SPEF2: variants seen among roughly 807,000 people sequenced by gnomAD.
SPEF2 encodes the protein sperm flagellar and cilia associated 2, also known as sperm flagella and cilia-associated protein 2.
In SPEF2, 187 loss-of-function variants were observed where a neutral mutation model predicts 224.6. The ratio of observed to expected loss-of-function variants is 0.83; its 90% CI spans 0.74 to 0.94. The LOEUF is 0.94. SPEF2 is among the 40% of genes least tolerant of loss of function. The pLI, the probability that SPEF2 is intolerant of heterozygous loss-of-function variation, is 0.00. For missense variants in SPEF2, 2,170 were observed against 2,135.6 expected, an observed-to-expected ratio of 1.02 and a Z score of -0.32; for synonymous variants, 715 against 707.3, an observed-to-expected ratio of 1.01 and a Z score of -0.17.
chr5:35,765,808 G>A (rs1752016493), intron 26 of SPEF2, among the ~76,000 whole-genome samples: 3 of 152,078 alleles, frequency 2.0e-5, no homozygotes, highest in Admixed American at 6.6e-5. Flanking sequence ...ATCAGATTAT[G>A]AGCATTCCTT....
intron 6 of SPEF2, among the ~76,000 whole-genome samples, chr5:35,650,275 C>T (rs2149426053): frequency 6.6e-6 from 1 of 152,234 alleles, no homozygotes; most frequent in South Asian, 2.1e-4. Flanking sequence ...GGAGAATACT[C>T]ATGTACATTG....
In SPEF2 at chr5:35,727,750, C is replaced by G. The variant is rs1744912983; in HGVS notation, c.2990C>G (p.Pro997Arg). The G allele has an allele frequency of 1.2e-6, 2 of 1,613,808 alleles. No individual in the cohort carries two copies. The highest frequency in any genetic ancestry group is 1.7e-5 in the Admixed American group (1 of 59,996). Reference protein sequence around the residue: ...KSPADSTDTSPVAIVPQPPKP... With the variant: ...KSPADSTDTSRVAIVPQPPKP... ...CCTGCTGACTCTACAGATACATCAC[C>G]TGTTGCAATAGTGCCACAGCCACCT... is the stretch of plus-strand genomic sequence containing the variant. Residue 997 changes from proline (P) to arginine (R), a missense_variant, in exon 21 of 37, where the codon CCT becomes CGT. Physicochemically the swap from Pro to Arg is moderately radical, Grantham distance 103 (BLOSUM62 -2). Coordinates refer to ENST00000356031, the MANE Select transcript of SPEF2 (RefSeq NM_024867.4).
intron 23 of SPEF2, 102 bp from the exon 24 acceptor site, chr5:35,753,522 A>G (rs1749997106): frequency 6.6e-7 from 1 of 1,511,726 alleles, no homozygotes; most frequent in Non-Finnish European, 9.0e-7. Context: ...AAATTTCTTT[A>G]GAGACATTTT....
At chr5:35,753,314 C>A (rs1749959163) in intron 23 of SPEF2, among the ~76,000 whole-genome samples, 1 of 152,022 alleles carries the variant, frequency 6.6e-6, no homozygotes, top group South Asian at 2.1e-4. Context: ...CTTTTTCAAC[C>A]AAACACATTT....
rs752855009 is a variant in SPEF2 at position 35,654,552 on chromosome 5, T to G, written c.804T>G (p.Thr268=). The stretch of plus-strand genomic sequence containing the variant: ...CTATTATTCTTAGTGCATCCAAGAC[T>G]TCTTTAGATACAGCAGGCCAGACAA... The part of the protein sequence containing the change: ...DLQAKESASK[T]SLDTAGQTTT... The change falls in exon 7 of 37, where the codon ACT becomes ACG. Residue 268 remains threonine, a synonymous_variant. Transcript: ENST00000356031. 3 of 1,580,654 alleles carry G rather than the reference T, an allele frequency of 1.9e-6. No individual in the cohort carries two copies. Among genetic ancestry groups the G allele is most frequent in the Non-Finnish European group, 2.6e-6 (3 of 1,170,192 alleles).
chr5:35,697,611 T>G, intron 14 of SPEF2, 79 bp from the exon 15 acceptor site: 1 of 1,146,954 alleles, frequency 8.7e-7, no homozygotes, highest in Non-Finnish European at 1.3e-6. Flanking sequence ...CCTGGTCATT[T>G]AATTAACTTT....
At position 35,774,023 on chromosome 5, in the gene SPEF2, T is replaced by C; in HGVS notation, c.4078+2T>C. On this transcript the variant is annotated splice_donor_variant, in intron 28 of 36. Coordinates refer to ENST00000356031, the MANE Select transcript of SPEF2 (RefSeq NM_024867.4). LOFTEE classifies it high-confidence loss of function. ...ACCTTGCTGCCTTGCAATTTGAAGG[T>C]AGCGATTGAAACGACTAAGATGATG... The C allele has an allele frequency of 6.2e-7, 1 of 1,611,536 alleles. No homozygotes were observed.
chr5:35,638,169 A>G (rs529319651), intron 2 of SPEF2, among the ~76,000 whole-genome samples: 8 of 152,262 alleles, frequency 5.3e-5, no homozygotes, highest in African/African-American at 1.9e-4. Flanking sequence ...CTTTCAGTCA[A>G]TGTTTTTTAA....
At chr5:35,697,664 C>T in intron 14 of SPEF2, 26 bp from the exon 15 acceptor site, 1 of 1,571,830 alleles carries the variant, frequency 6.4e-7, no homozygotes, top group Non-Finnish European at 8.7e-7. Flanking sequence ...TAGCCATCTT[C>T]TGTCATTTCT....
At chr5:35,702,034 G>T in intron 16 of SPEF2, 1 of 382,140 alleles carries the variant, frequency 2.6e-6, no homozygotes, top group South Asian at 1.9e-5. Flanking sequence ...GGAGAGCAAA[G>T]GAATAAGTGT....
chr5:35,753,843 A>T, intron 24 of SPEF2, 82 bp downstream of exon 24: 1 of 1,550,068 alleles, frequency 6.5e-7, no homozygotes, highest in South Asian at 1.1e-5. Flanking sequence ...CTTTCTTGGG[A>T]ATATGAGAGG....
chr5:35,756,620 C>T (rs185906851), intron 24 of SPEF2, among the ~76,000 whole-genome samples: 1 of 152,286 alleles, frequency 6.6e-6, no homozygotes, highest in East Asian at 1.9e-4. Flanking sequence ...GGAAAGCACA[C>T]TAGAAAAAGC....
chr5:35,771,672 A>G lies in SPEF2; in HGVS notation c.3865A>G (p.Lys1289Glu), dbSNP rs374901817. ...AAAAGAAAACCAGCCAGCAGACCCC[A>G]AAGAAAAATCTCCTCAGATGGGTGC... is the stretch of plus-strand genomic sequence containing the variant. ...EEKENQPADP[K>E]EKSPQMGANK... The change falls in exon 27 of 37, where the codon AAA (lysine) becomes GAA (glutamate). Residue 1289 changes from lysine (K) to glutamate (E), a missense_variant. Physicochemically the swap from Lys to Glu is moderately conservative, Grantham distance 56 (BLOSUM62 1). Coordinates refer to ENST00000356031, the MANE Select transcript of SPEF2 (RefSeq NM_024867.4). 3.6e-5 allele frequency: 58 copies of G among 1,612,134 alleles called. No individual in the cohort carries two copies. In the African/African-American group the frequency reaches 6.4e-4, roughly 18 times the overall value.
intron 15 of SPEF2, chr5:35,698,327 A>G (rs1466653806): frequency 6.6e-6 from 1 of 152,248 alleles, no homozygotes; most frequent in East Asian, 1.9e-4. Context: ...TGCATCTAGA[A>G]TGGACTTCCC....
Position 35,795,811 on chromosome 5 carries a change from T to A in SPEF2, c.4830+16T>A. ...TCTTATAGAGGTAATGACTGAGATC[T>A]TTAAAACATGTGGCATTATAGCACT... On this transcript the variant is annotated intron_variant, in intron 33 of 36. Coordinates refer to ENST00000356031, the MANE Select transcript of SPEF2 (RefSeq NM_024867.4). 1 of 1,584,940 alleles carries A rather than the reference T, an allele frequency of 6.3e-7. No homozygotes were observed. The highest frequency in any genetic ancestry group is 8.6e-7 in the Non-Finnish European group (1 of 1,157,264).
rs1755212765 is a variant in SPEF2 at position 35,695,709 on chromosome 5, G to T, written c.1976-26G>T. 3 of 1,594,604 alleles carry T rather than the reference G, an allele frequency of 1.9e-6. No individual in the cohort carries two copies. The African/African-American group carries it at 4.0e-5, about 21-fold the overall frequency. ...TGTTAGGTGTAAATACCAGAAATTT[G>T]TTCTTACCACTTTTCCTATTGCTAG... On this transcript the variant is annotated intron_variant, in intron 13 of 36. Coordinates refer to ENST00000356031, the MANE Select transcript of SPEF2 (RefSeq NM_024867.4).
At chr5:35,689,533 T>A (rs1022075617) in intron 10 of SPEF2, among the ~76,000 whole-genome samples, 1 of 152,176 alleles carries the variant, frequency 6.6e-6, no homozygotes, top group South Asian at 2.1e-4. Context: ...TAGTCCCCAG[T>A]GTTCATTGTT....
At chr5:35,647,114 G>A (rs1276607853) in intron 5 of SPEF2, among the ~76,000 whole-genome samples, 1 of 152,214 alleles carries the variant, frequency 6.6e-6, no homozygotes, top group Non-Finnish European at 1.5e-5. Flanking sequence ...GGGTGCTGTT[G>A]TAATGGGTCA....
chr5:35,775,529 G>T (rs1273518734), intron 28 of SPEF2, among the ~76,000 whole-genome samples: 4 of 152,078 alleles, frequency 2.6e-5, no homozygotes, highest in Admixed American at 2.6e-4. Context: ...ACCATGGAGG[G>T]TTATCTAGGC....
Sources: allele counts gnomAD v4.1 joint callset (sites outside exome capture counted in the v4.1 genomes callset), GRCh38; gene constraint gnomAD v4.1.1; transcripts MANE v1.5; gene names NCBI Gene and HGNC (gene_info 2026-07-23, HGNC 2026-07-21).